KIAA1549L: variants seen among roughly 807,000 people sequenced by gnomAD.
The protein encoded by KIAA1549L is UPF0606 protein KIAA1549L.
A neutral mutation model predicts 160.7 loss-of-function variants in KIAA1549L; 88 were observed. The ratio of observed to expected loss-of-function variants is 0.55; its 90% CI spans 0.46 to 0.65. KIAA1549L has a LOEUF of 0.65. KIAA1549L is among the 30% of genes least tolerant of loss of function. The pLI is 0.00. For synonymous variants in KIAA1549L, 950 were observed against 976.7 expected (o/e 0.97, Z 0.51); for missense variants, 2,258 against 2,437.5 (o/e 0.93, Z 1.55).
At chr11:33,501,805 A>G (rs908413497) in intron 1 of KIAA1549L, among the ~76,000 whole-genome samples, 1 of 152,124 alleles carries the variant, frequency 6.6e-6, no homozygotes, top group African/African-American at 2.4e-5. Context: ...TACAACTCCA[A>G]GGTAGCTACA....
intron 17 of KIAA1549L, among the ~76,000 whole-genome samples, chr11:33,650,465 C>T (rs1002542932): frequency 6.6e-6 from 1 of 152,118 alleles, no homozygotes; most frequent in African/African-American, 2.4e-5. Context: ...CAGGCTCTTC[C>T]TCCGTATTTT....
chr11:33,577,195 G>A (rs558803486), intron 10 of KIAA1549L, among the ~76,000 whole-genome samples: 1 of 152,306 alleles, frequency 6.6e-6, no homozygotes, highest in Non-Finnish European at 1.5e-5. Flanking sequence ...ACAGGGTAGA[G>A]ATTAAGGGGA....
At chr11:33,472,176 C>G (rs1032482658) in intron 1 of KIAA1549L, among the ~76,000 whole-genome samples, 8 of 151,372 alleles carry the variant, frequency 5.3e-5, no homozygotes, top group African/African-American at 1.9e-4. Context: ...GCTGCGTTAC[C>G]TAGACTTGAG....
chr11:33,490,115 C>G (rs1349594945), intron 1 of KIAA1549L, among the ~76,000 whole-genome samples: 1 of 152,100 alleles, frequency 6.6e-6, no homozygotes, highest in Admixed American at 6.6e-5. Flanking sequence ...TTCTTCATAA[C>G]TACTCAATAA....
At chr11:33,646,161 G>A (rs1231174341) in intron 17 of KIAA1549L, 125 bp downstream of exon 17, 1 of 731,530 alleles carries the variant, frequency 1.4e-6, no homozygotes, top group Non-Finnish European at 2.3e-6. Context: ...AACTATGCCA[G>A]GCCCTCATCC....
At chr11:33,442,178 A>C (rs2132948716) in intron 1 of KIAA1549L, among the ~76,000 whole-genome samples, 1 of 152,300 alleles carries the variant, frequency 6.6e-6, no homozygotes, top group South Asian at 2.1e-4. Flanking sequence ...TAAATAGGGA[A>C]TCCTTTCCCC....
At chr11:33,452,286 G>GGTTGGTGCAAAAGTAA (rs145271638) in intron 1 of KIAA1549L, among the ~76,000 whole-genome samples, 2,979 of 152,284 alleles carry the variant, frequency 0.02, 95 homozygotes, top group African/African-American at 0.067. Flanking sequence ...GTGTTCTTTA[G>GGTTGGTGCAAAAGTAA]GTTGGTGCAA....
At chr11:33,583,262 T>TG in intron 10 of KIAA1549L, 76 bp from the exon 11 acceptor site, 4 of 1,366,792 alleles carry the variant, frequency 2.9e-6, no homozygotes, top group Non-Finnish European at 4.0e-6. Flanking sequence ...GGGACTGGGG[T>TG]GGGGGGTTAT....
intron 8 of KIAA1549L, among the ~76,000 whole-genome samples, chr11:33,566,006 G>C (rs1173597270): frequency 6.6e-6 from 1 of 152,094 alleles, no homozygotes; most frequent in Non-Finnish European, 1.5e-5. Flanking sequence ...GGGAAACCCT[G>C]CCTCAAAAGA....
intron 1 of KIAA1549L, among the ~76,000 whole-genome samples, chr11:33,383,419 C>T (rs548807015): frequency 1.4e-4 from 21 of 152,226 alleles, no homozygotes; most frequent in African/African-American, 3.6e-4. Context: ...TTCTGGGTCA[C>T]GGGATGGCAG....
chr11:33,622,745 C>T (rs953677903), intron 16 of KIAA1549L, among the ~76,000 whole-genome samples: 8 of 152,080 alleles, frequency 5.3e-5, no homozygotes, highest in African/African-American at 1.2e-4. Context: ...CAGGCAAAAG[C>T]GAGAGGAGAG....
In KIAA1549L at chr11:33,559,812, A is replaced by G; in HGVS notation, c.3919A>G (p.Thr1307Ala). The G allele has an allele frequency of 1.9e-6, 3 of 1,613,990 alleles. No individual in the cohort carries two copies. The highest frequency in any genetic ancestry group is 2.5e-6 in the Non-Finnish European group (3 of 1,179,894). ...GGTGTACGTCGTGGGCAATCAGAGC[A>G]CATTCCTCAACGGCACCGTCGCCAG... ...TLVYVVGNQSTFLNGTVASSL... is the reference protein window; with the variant it reads ...TLVYVVGNQSAFLNGTVASSL... The change falls in exon 7 of 21, where the codon ACA becomes GCA. Residue 1307 changes from threonine (T) to alanine (A), a missense_variant. Transcript: ENST00000658780.
chr11:33,523,779 A>C (rs1853550185), intron 1 of KIAA1549L, among the ~76,000 whole-genome samples: 1 of 152,210 alleles, frequency 6.6e-6, no homozygotes, highest in Non-Finnish European at 1.5e-5. Context: ...TTGACAATTT[A>C]TGTGTTATTA....
At position 33,598,910 on chromosome 11, in the gene KIAA1549L, G is replaced by T; in HGVS notation, c.4842G>T (p.Gln1614His). The change falls in exon 13 of 21, where the codon CAG becomes CAT. Residue 1614 changes from glutamine to histidine, a missense_variant. This residue lies in a region of KIAA1549L where 1,359 missense variants were observed against 1,546.6 expected (regional missense o/e 0.88). Coordinates refer to ENST00000658780, the MANE Select transcript of KIAA1549L (RefSeq NM_012194.3). Reference sequence around the variant, plus strand: ...GCTCACCCCAGAATGTAATGGCACAGCAGAAAGTGACAAAGGAGGAGGCAA... The same window carrying T: ...GCTCACCCCAGAATGTAATGGCACATCAGAAAGTGACAAAGGAGGAGGCAA... ...GRRSPQNVMA[Q>H]QKVTKEEARK... 6.2e-7 allele frequency: 1 copy of T among 1,613,782 alleles called. No homozygotes were observed. The highest frequency in any genetic ancestry group is 8.5e-7 in the Non-Finnish European group (1 of 1,179,794).
Position 33,609,774 on chromosome 11 carries a change from C to A in KIAA1549L, c.5087C>A (p.Ser1696Ter). The A allele has an allele frequency of 1.2e-6, 2 of 1,610,616 alleles. No homozygotes were observed. The highest frequency in any genetic ancestry group is 2.2e-5 in the South Asian group (2 of 90,390). The change falls in exon 15 of 21, where the codon TCA (serine) becomes TAA (stop). Residue 1696 changes from serine (S) to a stop codon, truncating the protein, a stop_gained. Coordinates refer to ENST00000658780, the MANE Select transcript of KIAA1549L (RefSeq NM_012194.3). LOFTEE classifies it high-confidence loss of function. ...GEVNKALKQK[S>*]DIEHYRNKLR... Reference sequence around the variant, plus strand: ...GTGAACAAAGCCCTGAAGCAGAAGTCAGACATCGAGCACTATCGGAACAAG... The same window carrying A: ...GTGAACAAAGCCCTGAAGCAGAAGTAAGACATCGAGCACTATCGGAACAAG...
intron 1 of KIAA1549L, among the ~76,000 whole-genome samples, chr11:33,533,963 A>C (rs1317329868): frequency 6.6e-6 from 1 of 152,208 alleles, no homozygotes; most frequent in East Asian, 1.9e-4. Flanking sequence ...GTCCAAACAC[A>C]AGGGGATTGT....
intron 1 of KIAA1549L, among the ~76,000 whole-genome samples, chr11:33,465,395 G>GCTTAAGCATA (rs1852035894): frequency 6.6e-6 from 1 of 152,000 alleles, no homozygotes; most frequent in Non-Finnish European, 1.5e-5. Flanking sequence ...ACCTCTTATG[G>GCTTAAGCATA]GAAATATTCT....
Position 33,543,073 on chromosome 11 carries a change from ATACT to A in KIAA1549L, c.1516_1519del (p.Thr506SerfsTer59), listed in dbSNP as rs1181915889. ...AACTGGGACAGCCGACTTTCCCTCC[ATACT>A]TACTTTCCTCCAGCCCACAGAGAAT... On this transcript the variant is annotated frameshift_variant, in exon 2 of 21. Transcript: ENST00000658780. LOFTEE classifies it high-confidence loss of function. The A allele has an allele frequency of 2.5e-6, 4 of 1,613,738 alleles. No individual in the cohort carries two copies. In the South Asian group the frequency reaches 3.3e-5, roughly 13 times the overall value.
In KIAA1549L at chr11:33,672,922, A is replaced by G. The variant is rs564482865; in HGVS notation, c.*4768A>G. ...CACACTTGCATGGATAAGAAAACCA[A>G]TGAGCCCCTCAACAGAGTCTTTTGA... On this transcript the variant is annotated 3_prime_UTR_variant, in exon 21 of 21. Coordinates refer to ENST00000658780, the MANE Select transcript of KIAA1549L (RefSeq NM_012194.3). The G allele has an allele frequency of 2.1e-4, 33 of 153,812 alleles. No homozygotes were observed. The highest frequency in any genetic ancestry group is 3.9e-4 in the Admixed American group (6 of 15,292). The allele number at this position is 153,812 out of a possible 1,614,324, so 9.5% of individuals were successfully genotyped here.
Sources: allele counts gnomAD v4.1 joint callset (sites outside exome capture counted in the v4.1 genomes callset), GRCh38; gene constraint gnomAD v4.1.1; regional missense constraint gnomAD v4.1.1; transcripts MANE v1.5; gene names NCBI Gene and HGNC (gene_info 2026-07-23, HGNC 2026-07-21).